The following CCDC69 variants were observed in gnomAD, a reference collection of about 807,000 sequenced individuals.
CCDC69 encodes the protein coiled-coil domain-containing protein 69.
In CCDC69, 38 loss-of-function variants were observed where a neutral mutation model predicts 40.3. That is an observed-to-expected ratio of 0.94 (90% CI 0.73 to 1.24). The LOEUF is 1.24. CCDC69 is among the 50% of genes most tolerant of loss of function. The pLI is 0.00. For missense variants in CCDC69, 389 were observed against 357.9 expected (o/e 1.09, Z -0.70); for synonymous variants, 141 against 138.9 (o/e 1.02, Z -0.11).
chr5:151,185,444 C>A lies in CCDC69; in HGVS notation c.593G>T (p.Arg198Leu). The change falls in exon 7 of 9, where the codon CGG becomes CTG. Residue 198 changes from arginine to leucine, a missense_variant. Arg to Leu is a moderately radical substitution (Grantham distance 102). Transcript: ENST00000355417. ...GACCACTGTTTCCATGAGGATCAGC[C>A]GCCTGTCCAGCTCATGAATACGCTC... Reference protein sequence around the residue: ...KNERIHELDRRLILMETVKEK... With the variant: ...KNERIHELDRLLILMETVKEK... The A allele has an allele frequency of 6.2e-7, 1 of 1,614,072 alleles. No individual in the cohort carries two copies. Among genetic ancestry groups the A allele is most frequent in the Non-Finnish European group, 8.5e-7 (1 of 1,179,952 alleles).
intron 4 of CCDC69, among the ~76,000 whole-genome samples, chr5:151,190,809 T>A: frequency 7.5e-6 from 1 of 133,782 alleles, no homozygotes; most frequent in Admixed American, 7.2e-5. Flanking sequence ...GTTCAAATAC[T>A]CAAAAAAAAA....
chr5:151,196,379 G>A lies in CCDC69; in HGVS notation c.319+2618C>T, dbSNP rs577636487. On this transcript the variant is annotated intron_variant, in intron 4 of 8. Transcript: ENST00000355417. The stretch of plus-strand genomic sequence containing the variant: ...TCATCATGTTGGCCAGGCTGGTCTC[G>A]AACTCCTGACCTTGTGATACACCCG... 2.0e-5 allele frequency among the ~76,000 whole-genome samples: 3 copies of A among 152,112 alleles called. No homozygotes were observed. The South Asian group carries it at 6.2e-4, about 32-fold the overall frequency.
intron 1 of CCDC69, among the ~76,000 whole-genome samples, chr5:151,208,896 G>T (rs188570633): frequency 2.0e-5 from 3 of 152,310 alleles, no homozygotes; most frequent in Non-Finnish European, 1.5e-5. Flanking sequence ...TTAACTGGAT[G>T]ATCCCATAGT....
rs60344552 is a variant in CCDC69 at position 151,183,135 on chromosome 5, CT to C, written c.*301del. The C allele has an allele frequency of 0.33, 183,862 of 549,398 alleles. 32,366 individuals carry two copies. The highest frequency in any genetic ancestry group is 0.44 in the Admixed American group (19,833 of 45,172). 34.0% of individuals were successfully genotyped at this position (549,398 alleles called of 1,614,324 possible). A position where few individuals can be genotyped will look rare whatever the true frequency, so the allele number is the denominator to read the frequency against. ...ATGGCCAGCGTGACACAGACTGCCC[CT>C]GGGAAAGCCTCGGAACTTCTCGGAT... On this transcript the variant is annotated 3_prime_UTR_variant, in exon 9 of 9. Transcript: ENST00000355417.
At chr5:151,200,300 G>A (rs1012378255) in intron 3 of CCDC69, among the ~76,000 whole-genome samples, 1 of 152,040 alleles carries the variant, frequency 6.6e-6, no homozygotes, top group African/African-American at 2.4e-5. Flanking sequence ...CACCAGGCTG[G>A]GCTAATTTTT....
intron 5 of CCDC69, among the ~76,000 whole-genome samples, chr5:151,186,935 A>AC (rs1484769733): frequency 8.5e-5 from 13 of 152,198 alleles, no homozygotes; most frequent in Non-Finnish European, 7.4e-5. Flanking sequence ...ATGTCTTTGA[A>AC]CACATTGCTT....
Position 151,222,952 on chromosome 5 carries a change from A to G in CCDC69, c.48+971T>C, listed in dbSNP as rs551561336. 1.2e-4 allele frequency among the ~76,000 whole-genome samples: 18 copies of G among 152,298 alleles called. No homozygotes were observed. In the South Asian group the frequency reaches 3.3e-3, roughly 28 times the overall value. ...AGAGGGAGGACTAAAGTTCATTGCA[A>G]AACTATTAAACACTGTCACAGTTTG... On this transcript the variant is annotated intron_variant, in intron 1 of 8. Coordinates refer to ENST00000355417, the MANE Select transcript of CCDC69 (RefSeq NM_015621.3).
intron 1 of CCDC69, among the ~76,000 whole-genome samples, chr5:151,223,298 C>T (rs926143176): frequency 2.6e-5 from 4 of 152,198 alleles, no homozygotes; most frequent in Non-Finnish European, 5.9e-5. Context: ...GATCTCCTCC[C>T]TCTTTGGCCC....
At chr5:151,188,661 A>G (rs984326089) in intron 4 of CCDC69, among the ~76,000 whole-genome samples, 4 of 151,638 alleles carry the variant, frequency 2.6e-5, no homozygotes, top group African/African-American at 9.7e-5. Context: ...GTAGTAAAAA[A>G]TTTATAAGAA....
intron 2 of CCDC69, among the ~76,000 whole-genome samples, chr5:151,202,711 A>T (rs1332359055): frequency 2.6e-5 from 4 of 152,184 alleles, no homozygotes; most frequent in African/African-American, 9.7e-5. Context: ...TGAGAGCAGG[A>T]AGGAAACACA....
Position 151,185,412 on chromosome 5 carries a change from A to G in CCDC69, c.615+10T>C. ...GAGGCTGCATCCCCCAGCCACTCCC[A>G]GTCACAGACCACTGTTTCCATGAGG... On this transcript the variant is annotated intron_variant, in intron 7 of 8. Transcript: ENST00000355417. 1 of 1,613,440 alleles carries G rather than the reference A, an allele frequency of 6.2e-7. No homozygotes were observed. Among genetic ancestry groups the G allele is most frequent in the Non-Finnish European group, 8.5e-7 (1 of 1,179,544 alleles).
At chr5:151,185,633 A>T in intron 6 of CCDC69, 92 bp from the exon 7 acceptor site, 1 of 1,339,736 alleles carries the variant, frequency 7.5e-7, no homozygotes, top group Non-Finnish European at 1.1e-6. Context: ...TTCACAAGTC[A>T]CCCACCTTCC....
intron 3 of CCDC69, among the ~76,000 whole-genome samples, chr5:151,200,047 C>T (rs533900537): frequency 1.5e-4 from 23 of 152,280 alleles, no homozygotes; most frequent in South Asian, 1.0e-3. Context: ...TAATCTCCCC[C>T]AGCAAGTCGA....
chr5:151,195,458 C>T (rs145020868), intron 4 of CCDC69, among the ~76,000 whole-genome samples: 61 of 152,130 alleles, frequency 4.0e-4, no homozygotes, highest in African/African-American at 1.2e-3. Context: ...AGGTGGCTCA[C>T]GCCTGTAATC....
chr5:151,209,733 C>T (rs914723420), intron 1 of CCDC69, among the ~76,000 whole-genome samples: 6 of 152,234 alleles, frequency 3.9e-5, no homozygotes, highest in Admixed American at 2.6e-4. Flanking sequence ...GCGTGTGCTA[C>T]CACACCTGGC....
At chr5:151,223,506 T>A (rs1753167570) in intron 1 of CCDC69, among the ~76,000 whole-genome samples, 1 of 152,220 alleles carries the variant, frequency 6.6e-6, no homozygotes, top group African/African-American at 2.4e-5. Flanking sequence ...TGCGAGTCTG[T>A]GGAACACTCT....
chr5:151,205,967 T>A (rs565192977), intron 1 of CCDC69, among the ~76,000 whole-genome samples: 22 of 152,248 alleles, frequency 1.4e-4, no homozygotes, highest in African/African-American at 5.3e-4. Context: ...CTTCTGTGTG[T>A]GTGGGAGGGG....
chr5:151,214,112 A>G (rs762865563), intron 1 of CCDC69, among the ~76,000 whole-genome samples: 1 of 152,246 alleles, frequency 6.6e-6, no homozygotes, highest in African/African-American at 2.4e-5. Flanking sequence ...AGCTGAGGCT[A>G]GAGTCCTTTC....
chr5:151,184,006 T>C (rs1487034088), intron 8 of CCDC69, among the ~76,000 whole-genome samples: 1 of 151,862 alleles, frequency 6.6e-6, no homozygotes, highest in Non-Finnish European at 1.5e-5. Context: ...CACATGATAC[T>C]AGCTCTTATT....
Sources: allele counts gnomAD v4.1 joint callset (sites outside exome capture counted in the v4.1 genomes callset), GRCh38; gene constraint gnomAD v4.1.1; transcripts MANE v1.5; gene names NCBI Gene and HGNC (gene_info 2026-07-23, HGNC 2026-07-21).